Variants in CDH10 observed in about 807,000 individuals in gnomAD.
CDH10 encodes the protein cadherin-10.
CDH10 carries 30 observed loss-of-function variants against 73.1 expected under a neutral mutation model. The ratio of observed to expected loss-of-function variants is 0.41; its 90% CI spans 0.31 to 0.56. The LOEUF is 0.56. Ranked by LOEUF, CDH10 falls within the 20% of genes least tolerant of loss-of-function variation. The pLI, the probability that CDH10 is intolerant of heterozygous loss-of-function variation, is 0.27. For synonymous variants in CDH10, 345 were observed against 348.2 expected (o/e 0.99, Z 0.10); for missense variants, 815 against 973.7 (o/e 0.84, Z 2.17).
At chr5:24,595,686 G>A (rs1383419294) in intron 1 of CDH10, among the ~76,000 whole-genome samples, 2 of 151,806 alleles carry the variant, frequency 1.3e-5, no homozygotes, top group East Asian at 3.9e-4. Flanking sequence ...TGTAAGTGAG[G>A]GTTTCTGCTT....
intron 2 of CDH10, among the ~76,000 whole-genome samples, chr5:24,545,787 C>A (rs1304338494): frequency 6.6e-6 from 1 of 151,714 alleles, no homozygotes; most frequent in Non-Finnish European, 1.5e-5. Flanking sequence ...CCATGACATT[C>A]TGGGAGACAG....
chr5:24,511,545 C>CAGAGACAGAGAGAG (rs374439665), intron 5 of CDH10, 31 bp from the exon 6 acceptor site: 3 of 576,388 alleles, frequency 5.2e-6, no homozygotes, highest in African/African-American at 4.3e-5. Context: ...AAGAGAGAGA[C>CAGAGACAGAGAGAG]AGAGAGAGAG....
At chr5:24,514,490 A>G (rs953032376) in intron 5 of CDH10, among the ~76,000 whole-genome samples, 80 of 152,276 alleles carry the variant, frequency 5.3e-4, no homozygotes, top group African/African-American at 1.8e-3. Context: ...ATAGTTCACT[A>G]TGATTCTACC....
intron 3 of CDH10, 41 bp from the exon 4 acceptor site, chr5:24,535,863 A>G: frequency 6.8e-7 from 1 of 1,475,270 alleles, no homozygotes; most frequent in Non-Finnish European, 9.1e-7. Context: ...ACAGTACCAG[A>G]AGGAGGAGCA....
At chr5:24,553,203 C>T (rs1744615011) in intron 2 of CDH10, among the ~76,000 whole-genome samples, 1 of 145,210 alleles carries the variant, frequency 6.9e-6, no homozygotes. Flanking sequence ...GTATAAGAGC[C>T]ACGGATTTAT....
rs571302788 is a variant in CDH10 at position 24,557,205 on chromosome 5, A to AG, written c.232-19532_232-19531insC. ...GAATTATTAACATCAGTTTTTTTTA[A>AG]TTACTTACTATAATTTAGATTATTT... On this transcript the variant is annotated intron_variant, in intron 2 of 11. Transcript: ENST00000264463. Among the ~76,000 whole-genome samples the AG allele has an allele frequency of 1.4e-3, 215 of 150,512 alleles. 1 individual carries two copies. Among genetic ancestry groups the AG allele is most frequent in the African/African-American group, 4.7e-3 (194 of 41,192 alleles).
chr5:24,502,623 AG>A (rs550778350), intron 8 of CDH10, among the ~76,000 whole-genome samples: 125 of 152,336 alleles, frequency 8.2e-4, no homozygotes, highest in African/African-American at 2.6e-3. Flanking sequence ...GACAAAAAAA[AG>A]ATTCAGTCCT....
intron 1 of CDH10, among the ~76,000 whole-genome samples, chr5:24,631,628 C>T (rs1410649432): frequency 6.6e-6 from 1 of 151,864 alleles, no homozygotes; most frequent in Admixed American, 6.6e-5. Context: ...CATGTTCCCT[C>T]ATCCACATTT....
chr5:24,592,007 C>G (rs1746216011), intron 2 of CDH10, among the ~76,000 whole-genome samples: 1 of 151,810 alleles, frequency 6.6e-6, no homozygotes, highest in African/African-American at 2.4e-5. Flanking sequence ...ACTCTCTATT[C>G]CCAGGCTTTA....
chr5:24,531,886 G>A (rs147965886), intron 5 of CDH10, among the ~76,000 whole-genome samples: 1 of 152,038 alleles, frequency 6.6e-6, no homozygotes, highest in African/African-American at 2.4e-5. Flanking sequence ...TCACTTAGAT[G>A]CTACTGGGAT....
intron 2 of CDH10, among the ~76,000 whole-genome samples, chr5:24,582,950 A>G (rs1745853643): frequency 6.6e-6 from 1 of 152,194 alleles, no homozygotes; most frequent in African/African-American, 2.4e-5. Flanking sequence ...AATCCCTATC[A>G]AAGTTTAAAA....
chr5:24,606,226 G>A (rs1746755656), intron 1 of CDH10, among the ~76,000 whole-genome samples: 1 of 152,094 alleles, frequency 6.6e-6, no homozygotes, highest in South Asian at 2.1e-4. Context: ...CCCTGCAAAT[G>A]GCCCAAAGTT....
chr5:24,588,248 TC>T (rs1746087673), intron 2 of CDH10, among the ~76,000 whole-genome samples: 1 of 152,190 alleles, frequency 6.6e-6, no homozygotes, highest in South Asian at 2.1e-4. Flanking sequence ...AATGCATTTA[TC>T]TCTTCATGTC....
chr5:24,532,315 T>A (rs191041387), intron 5 of CDH10, among the ~76,000 whole-genome samples: 76 of 152,170 alleles, frequency 5.0e-4, no homozygotes, highest in African/African-American at 1.8e-3. Flanking sequence ...GATGCATAAA[T>A]ACACTAAATT....
At chr5:24,518,498 T>C (rs979847823) in intron 5 of CDH10, among the ~76,000 whole-genome samples, 3 of 152,168 alleles carry the variant, frequency 2.0e-5, no homozygotes, top group Non-Finnish European at 4.4e-5. Context: ...AGTGTATATA[T>C]ACATATGTGG....
chr5:24,605,709 C>T (rs1468815074), intron 1 of CDH10, among the ~76,000 whole-genome samples: 1 of 152,154 alleles, frequency 6.6e-6, no homozygotes, highest in African/African-American at 2.4e-5. Context: ...TATTCCTACC[C>T]TAGGTACTTG....
chr5:24,549,767 GTCTCAAACTCCTGACC>G (rs1198391293), intron 2 of CDH10, among the ~76,000 whole-genome samples: 2 of 151,920 alleles, frequency 1.3e-5, no homozygotes, highest in Non-Finnish European at 2.9e-5. Flanking sequence ...GGCCAGGCTG[GTCTCAAACTCCTGACC>G]TCAGGTGAGC....
intron 6 of CDH10, 61 bp from the exon 7 acceptor site, chr5:24,509,880 C>T (rs1430083240): frequency 3.8e-6 from 5 of 1,315,942 alleles, no homozygotes; most frequent in Non-Finnish European, 5.3e-6. Context: ...TGCTCCCACC[C>T]AGTTACAGTA....
At chr5:24,535,968 A>G (rs1342469321) in intron 3 of CDH10, 146 bp from the exon 4 acceptor site, 2 of 482,438 alleles carry the variant, frequency 4.1e-6, no homozygotes, top group Admixed American at 3.6e-5. Flanking sequence ...GAATATGTAG[A>G]TATATAGTGT....
Sources: gnomAD v4.1 joint callset for allele counts (sites outside exome capture counted in the v4.1 genomes callset) on GRCh38, gnomAD v4.1.1 for gene constraint, MANE v1.5 for transcripts, NCBI Gene and HGNC (gene_info 2026-07-23, HGNC 2026-07-21) for gene names.